NTM: variants seen among roughly 807,000 people sequenced by gnomAD.
NTM encodes IgLON family member 2.
Under a neutral mutation model 42.1 loss-of-function variants are expected in NTM, and 13 were observed. That is an observed-to-expected ratio of 0.31 (90% CI 0.20 to 0.49). The LOEUF (loss-of-function observed/expected upper bound fraction) is 0.49, where lower values mean the gene tolerates loss of function less well. Among genes scored for constraint, NTM ranks in the 20% least tolerant of loss-of-function variants. The pLI is 0.99. For missense variants in NTM, 373 were observed against 452.8 expected, an observed-to-expected ratio of 0.82 and a Z score of 1.60; for synonymous variants, 187 against 179.2, an observed-to-expected ratio of 1.04 and a Z score of -0.35.
At chr11:131,505,808 G>A (rs2047417372) in intron 1 of NTM, among the ~76,000 whole-genome samples, 1 of 152,218 alleles carries the variant, frequency 6.6e-6, no homozygotes, top group Non-Finnish European at 1.5e-5. Context: ...TCCCCAGAAG[G>A]AAGTGCAGCA....
At chr11:132,031,842 C>G (rs139699105) in intron 2 of NTM, among the ~76,000 whole-genome samples, 1 of 152,190 alleles carries the variant, frequency 6.6e-6, no homozygotes, top group East Asian at 1.9e-4. Flanking sequence ...TTTATATAAT[C>G]TCTTATGTGT....
chr11:132,324,626 C>T (rs1436916361), intron 7 of NTM, among the ~76,000 whole-genome samples: 1 of 138,824 alleles, frequency 7.2e-6, no homozygotes, highest in Non-Finnish European at 1.6e-5. Flanking sequence ...CAATGCCATC[C>T]CCATCAAGCT....
intron 1 of NTM, among the ~76,000 whole-genome samples, chr11:131,640,489 A>T (rs1245655890): frequency 2.0e-5 from 3 of 152,172 alleles, no homozygotes; most frequent in Middle Eastern, 6.8e-3. Flanking sequence ...GAACCATGAG[A>T]TTGACCTAAT....
intron 1 of NTM, among the ~76,000 whole-genome samples, chr11:131,556,845 C>G (rs376466771): frequency 2.0e-5 from 3 of 152,114 alleles, no homozygotes; most frequent in Non-Finnish European, 2.9e-5. Context: ...CCATTACAGG[C>G]GTGAGCCACC....
chr11:132,122,473 G>T (rs1481898863), intron 2 of NTM, among the ~76,000 whole-genome samples: 1 of 152,202 alleles, frequency 6.6e-6, no homozygotes, highest in Non-Finnish European at 1.5e-5. Context: ...CTAAACTGGG[G>T]CTGCGCCTAC....
rs80082493 is a variant in NTM at position 132,003,055 on chromosome 11, C to T, written c.167+91407C>T. ...TAGGGTTAGGAAAGTAACTAGTGAG[C>T]GCACTAAACAGTAAGATGCGCTGCC... On this transcript the variant is annotated intron_variant, in intron 2 of 8. Coordinates refer to ENST00000683400, the MANE Select transcript of NTM (RefSeq NM_001352005.2). This position sits in a 1 kb window ranked among gnomAD's most constrained non-coding sequence, Gnocchi z 6.0. Among the ~76,000 whole-genome samples the T allele has an allele frequency of 3.4e-4, 51 of 152,172 alleles. No individual in the cohort carries two copies. The highest frequency in any genetic ancestry group is 5.1e-4 in the Non-Finnish European group (35 of 68,016).
intron 2 of NTM, among the ~76,000 whole-genome samples, chr11:132,043,828 G>A (rs1164818361): frequency 6.6e-6 from 1 of 152,192 alleles, no homozygotes; most frequent in South Asian, 2.1e-4. Flanking sequence ...CAGAGTTTTG[G>A]TGGTATGAAA....
At chr11:131,658,049 T>G (rs2067429704) in intron 1 of NTM, among the ~76,000 whole-genome samples, 1 of 151,776 alleles carries the variant, frequency 6.6e-6, no homozygotes, top group Non-Finnish European at 1.5e-5. Flanking sequence ...GATAAAGGGG[T>G]GGGGTGGGGA....
At chr11:131,511,645 C>T (rs1447489886) in intron 1 of NTM, among the ~76,000 whole-genome samples, 1 of 152,166 alleles carries the variant, frequency 6.6e-6, no homozygotes, top group Non-Finnish European at 1.5e-5. Flanking sequence ...ATTGATTTTC[C>T]TCCATTCCCA....
chr11:131,581,732 C>A (rs2058429689), intron 1 of NTM, among the ~76,000 whole-genome samples: 1 of 152,064 alleles, frequency 6.6e-6, no homozygotes, highest in Admixed American at 6.5e-5. Context: ...CTGCCTGGGC[C>A]CAGGGCAGGA....
intron 1 of NTM, among the ~76,000 whole-genome samples, chr11:131,669,060 A>G (rs1194701494): frequency 2.0e-5 from 3 of 152,176 alleles, no homozygotes; most frequent in Non-Finnish European, 4.4e-5. Flanking sequence ...GTACCAGGAA[A>G]GATGCGGTAG....
chr11:132,162,668 AGTGT>A (rs199785154), intron 3 of NTM, among the ~76,000 whole-genome samples: 11 of 129,884 alleles, frequency 8.5e-5, no homozygotes, highest in Non-Finnish European at 1.8e-4. Flanking sequence ...GGCTTGTGTG[AGTGT>A]GTGTGTGTTT....
At chr11:132,080,020 A>G (rs2058836029) in intron 2 of NTM, among the ~76,000 whole-genome samples, 1 of 152,212 alleles carries the variant, frequency 6.6e-6, no homozygotes, top group Admixed American at 6.5e-5. Flanking sequence ...TGGTGGAGAA[A>G]AATATACATG....
intron 2 of NTM, among the ~76,000 whole-genome samples, chr11:132,100,402 C>G (rs2061489993): frequency 6.6e-6 from 1 of 152,190 alleles, no homozygotes; most frequent in Non-Finnish European, 1.5e-5. Flanking sequence ...GATCATCACA[C>G]TGGGGGGACA....
chr11:131,928,768 C>T (rs765622364), intron 2 of NTM, among the ~76,000 whole-genome samples: 6 of 152,158 alleles, frequency 3.9e-5, no homozygotes, highest in Non-Finnish European at 8.8e-5. Context: ...GGTCTCCCGT[C>T]TGTGTTTTGT....
At chr11:131,950,646 G>A (rs149102563) in intron 2 of NTM, among the ~76,000 whole-genome samples, 82 of 152,308 alleles carry the variant, frequency 5.4e-4, no homozygotes, top group African/African-American at 1.8e-3. Flanking sequence ...AAATGTTAAG[G>A]GGGAGGAGAT....
intron 1 of NTM, among the ~76,000 whole-genome samples, chr11:131,404,105 C>G (rs570164800): frequency 1.3e-5 from 2 of 152,210 alleles, no homozygotes; most frequent in Admixed American, 1.3e-4. Flanking sequence ...CCTTTAGCTA[C>G]AAACACGTTT....
chr11:131,782,084 A>C (rs543176179), intron 1 of NTM, among the ~76,000 whole-genome samples: 1 of 152,198 alleles, frequency 6.6e-6, no homozygotes, highest in Non-Finnish European at 1.5e-5. Flanking sequence ...AAGACAAAAG[A>C]AGGGTTATAA....
At chr11:131,999,581 A>T (rs1259747713) in intron 2 of NTM, among the ~76,000 whole-genome samples, 1 of 152,226 alleles carries the variant, frequency 6.6e-6, no homozygotes, top group Non-Finnish European at 1.5e-5. Context: ...CCTTCCTTCC[A>T]GAGCAGGGAG....
Sources: gnomAD v4.1 joint callset for allele counts (sites outside exome capture counted in the v4.1 genomes callset) on GRCh38, gnomAD v4.1.1 for gene constraint, Gnocchi (gnomAD v3.1) non-coding constraint, MANE v1.5 for transcripts, NCBI Gene and HGNC (gene_info 2026-07-23, HGNC 2026-07-21) for gene names.